The following LOXHD1 variants were observed in gnomAD, a reference collection of about 807,000 sequenced individuals.
The protein encoded by LOXHD1 is lipoxygenase homology domain-containing protein 1.
In LOXHD1, 205 loss-of-function variants were observed where a neutral mutation model predicts 248.2. That is an observed-to-expected ratio of 0.83 (90% CI 0.74 to 0.93). LOXHD1 has a LOEUF of 0.93. Among genes scored for constraint, LOXHD1 ranks in the 40% least tolerant of loss-of-function variants. LOXHD1 has a pLI of 0.00. For synonymous variants in LOXHD1, 1,113 were observed against 1,162.8 expected (o/e 0.96, Z 0.87); for missense variants, 2,930 against 2,971.6 (o/e 0.99, Z 0.33).
intron 12 of LOXHD1, among the ~76,000 whole-genome samples, chr18:46,587,732 C>A (rs328158): frequency 0.79 from 120,707 of 152,156 alleles, 48,441 homozygotes; most frequent in Non-Finnish European, 0.86. Context: ...CTTGCCCACT[C>A]ATCAGTGGTG....
chr18:46,571,683 A>G (rs1213445034), intron 15 of LOXHD1, among the ~76,000 whole-genome samples: 1 of 152,210 alleles, frequency 6.6e-6, no homozygotes, highest in Non-Finnish European at 1.5e-5. Context: ...TGATCAAACC[A>G]AAGCAATGGA....
intron 2 of LOXHD1, among the ~76,000 whole-genome samples, chr18:46,644,906 G>A (rs1324109259): frequency 6.6e-6 from 1 of 152,182 alleles, no homozygotes; most frequent in African/African-American, 2.4e-5. Flanking sequence ...GATCCACCAG[G>A]ATGGACAGAG....
At chr18:46,628,644 G>A (rs2038778313) in intron 4 of LOXHD1, among the ~76,000 whole-genome samples, 1 of 152,154 alleles carries the variant, frequency 6.6e-6, no homozygotes, top group South Asian at 2.1e-4. Flanking sequence ...TTTCTGAGAG[G>A]TTAGAATCTT....
At chr18:46,542,321 C>T (rs2144366167) in intron 24 of LOXHD1, among the ~76,000 whole-genome samples, 1 of 152,282 alleles carries the variant, frequency 6.6e-6, no homozygotes, top group Non-Finnish European at 1.5e-5. Flanking sequence ...GCTTTATAAT[C>T]TTACCCAATG....
chr18:46,607,508 A>G (rs1267066512), intron 6 of LOXHD1, among the ~76,000 whole-genome samples: 1 of 151,242 alleles, frequency 6.6e-6, no homozygotes, highest in Non-Finnish European at 1.5e-5. Flanking sequence ...TATATTAATT[A>G]ATAGAAAAAT....
intron 10 of LOXHD1, 71 bp from the exon 11 acceptor site, chr18:46,592,655 C>T: frequency 5.3e-6 from 7 of 1,312,708 alleles, no homozygotes; most frequent in South Asian, 1.3e-5. Flanking sequence ...AGCTGACCCA[C>T]TCTCAGGAGG....
chr18:46,648,404 A>T (rs1368593291), intron 2 of LOXHD1, among the ~76,000 whole-genome samples: 1 of 152,232 alleles, frequency 6.6e-6, no homozygotes, highest in Non-Finnish European at 1.5e-5. Flanking sequence ...AGCAGATTAG[A>T]ATAGAGCAGC....
chr18:46,552,878 C>T (rs1391415519), intron 21 of LOXHD1, among the ~76,000 whole-genome samples: 2 of 152,148 alleles, frequency 1.3e-5, no homozygotes, highest in Non-Finnish European at 2.9e-5. Context: ...TTACTCATTC[C>T]TTTCTGTGTG....
intron 29 of LOXHD1, among the ~76,000 whole-genome samples, chr18:46,526,211 T>A (rs1053090290): frequency 6.6e-6 from 1 of 152,216 alleles, no homozygotes; most frequent in Non-Finnish European, 1.5e-5. Flanking sequence ...TGCACAAGGA[T>A]GTTTACCACA....
intron 35 of LOXHD1, among the ~76,000 whole-genome samples, chr18:46,508,168 C>T (rs554776135): frequency 6.6e-6 from 1 of 152,254 alleles, no homozygotes; most frequent in African/African-American, 2.4e-5. Flanking sequence ...GAGGAGGAGC[C>T]TGAGGCGATG....
At chr18:46,482,222 T>A (rs1470486498) in intron 40 of LOXHD1, among the ~76,000 whole-genome samples, 1 of 152,118 alleles carries the variant, frequency 6.6e-6, no homozygotes, top group Non-Finnish European at 1.5e-5. Flanking sequence ...ATGAACAGAG[T>A]TGTATCTCCC....
chr18:46,639,038 G>C (rs1182902184), intron 4 of LOXHD1, among the ~76,000 whole-genome samples: 2 of 152,148 alleles, frequency 1.3e-5, no homozygotes, highest in East Asian at 3.8e-4. Flanking sequence ...CAGAACTTTG[G>C]GGGACAAATG....
rs1464083887 is a variant in LOXHD1, at chr18:46,601,338, A to C, written c.1013T>G (p.Val338Gly). Reference protein sequence around the residue: ...NSGKIFLEGGVFDRGRTDIFH... With the variant: ...NSGKIFLEGGGFDRGRTDIFH... ...GATGTCCGTGCGGCCTCGGTCAAAC[A>C]CGCCGCCCTCCAGGAAGATTTTCCC... Residue 338 changes from valine to glycine, a missense_variant, in exon 8 of 41, where the codon GTG becomes GGG. Transcript: ENST00000642948. 1 of 1,551,594 alleles carries C rather than the reference A, an allele frequency of 6.4e-7. No individual in the cohort carries two copies. Among genetic ancestry groups the C allele is most frequent in the Non-Finnish European group, 8.7e-7 (1 of 1,147,010 alleles).
At chr18:46,575,410 A>ACCT (rs1429403709) in intron 14 of LOXHD1, among the ~76,000 whole-genome samples, 4 of 152,092 alleles carry the variant, frequency 2.6e-5, no homozygotes, top group African/African-American at 9.6e-5. Context: ...TTAAGTCCTA[A>ACCT]CCTCCGGTAC....
At chr18:46,575,710 C>T (rs144212378) in intron 14 of LOXHD1, among the ~76,000 whole-genome samples, 7 of 152,272 alleles carry the variant, frequency 4.6e-5, no homozygotes, top group African/African-American at 1.4e-4. Context: ...TTTTGGACTT[C>T]TGGCCTCCGA....
chr18:46,478,015 C>T (rs1420198361), intron 40 of LOXHD1, 63 bp from the exon 41 acceptor site: 3 of 1,499,136 alleles, frequency 2.0e-6, no homozygotes, highest in Middle Eastern at 4.3e-4. Flanking sequence ...AGGCTGCTCC[C>T]TCCCCCAGAT....
rs200819355 is a variant in LOXHD1 at position 46,529,203 on chromosome 18, G to A, written c.4504C>T (p.Arg1502Trp). The A allele has an allele frequency of 4.0e-4, 628 of 1,551,410 alleles. No homozygotes were observed. The highest frequency in any genetic ancestry group is 5.2e-4 in the Non-Finnish European group (592 of 1,146,972). Residue 1502 changes from arginine to tryptophan, a missense_variant, in exon 29 of 41, where the codon CGG becomes TGG. Physicochemically the swap from Arg to Trp is moderately radical, Grantham distance 101. Transcript: ENST00000642948. ...GERYLGKSEN[R>W]TNKFERGTAD... ...GTTCCTCTCTCGAACTTGTTGGTCC[G>A]GTTCTCTGACTTGCCAAGGTATCGC...
At chr18:46,559,416 C>A (rs749726997) in intron 20 of LOXHD1, 32 bp downstream of exon 20, 4 of 1,551,770 alleles carry the variant, frequency 2.6e-6, no homozygotes, top group Middle Eastern at 1.7e-4. Flanking sequence ...AACCCACAGC[C>A]CCCACCCAGG....
In LOXHD1 at chr18:46,527,372, G is replaced by C. The variant is rs144802159; in HGVS notation, c.4530+1805C>G. On this transcript the variant is annotated intron_variant, in intron 29 of 40. Transcript: ENST00000642948. ...GTCAACTAGGGCAGGGGACAGGTGA[G>C]CTTTCCCAAGACTTGACAACATCCA... Among the ~76,000 whole-genome samples the C allele has an allele frequency of 7.0e-3, 1,061 of 152,340 alleles. 6 individuals are homozygous for C. Among genetic ancestry groups the C allele is most frequent in the Middle Eastern group, 0.014 (4 of 294 alleles).
Sources: gnomAD v4.1 joint callset for allele counts (sites outside exome capture counted in the v4.1 genomes callset) on GRCh38, gnomAD v4.1.1 for gene constraint, MANE v1.5 for transcripts, NCBI Gene and HGNC (gene_info 2026-07-23, HGNC 2026-07-21) for gene names.